Variants in FBXO4 observed in about 807,000 individuals in gnomAD.
The protein encoded by FBXO4 is F-box protein 4, also known as F-box only protein 4.
FBXO4 carries 36 observed loss-of-function variants against 43.7 expected under a neutral mutation model. The observed-to-expected ratio is 0.82, with a 90% CI of 0.63 to 1.09. FBXO4 has a LOEUF of 1.09. Among genes scored for constraint, FBXO4 ranks in the 50% least tolerant of loss-of-function variants. The pLI is 0.00. For missense variants in FBXO4, 435 were observed against 474.1 expected (o/e 0.92, Z 0.77); for synonymous variants, 180 against 165.6 (o/e 1.09, Z -0.67).
chr5:41,935,053 G>A, intron 5 of FBXO4: 1 of 984,380 alleles, frequency 1.0e-6, no homozygotes, highest in Non-Finnish European at 1.2e-6. Context: ...GTTATTACAG[G>A]GCTATCTATA....
At chr5:42,035,760 C>A in the FBXO4 span, among the ~76,000 whole-genome samples, 1 of 152,046 alleles carries the variant, frequency 6.6e-6, no homozygotes, top group South Asian at 2.1e-4. Context: ...AATTTTTGTA[C>A]TTTGGTATGC....
At chr5:42,022,603 G>T in the FBXO4 span, among the ~76,000 whole-genome samples, 1 of 151,986 alleles carries the variant, frequency 6.6e-6, no homozygotes, top group African/African-American at 2.4e-5. Flanking sequence ...TTCTTTATGA[G>T]TACCTCCTAA....
intron 5 of FBXO4, among the ~76,000 whole-genome samples, chr5:41,937,938 T>C (rs931290532): frequency 5.9e-5 from 9 of 152,164 alleles, no homozygotes; most frequent in African/African-American, 2.2e-4. Context: ...TGCATTGGGG[T>C]TTAAATGTGC....
the FBXO4 span, among the ~76,000 whole-genome samples, chr5:42,031,371 A>T: frequency 6.6e-6 from 1 of 150,760 alleles, no homozygotes; most frequent in East Asian, 2.0e-4. Flanking sequence ...AAAAAACCAA[A>T]CACCACATGT....
chr5:42,004,193 T>C, the FBXO4 span, among the ~76,000 whole-genome samples: 3 of 152,210 alleles, frequency 2.0e-5, no homozygotes, highest in Non-Finnish European at 2.9e-5. Context: ...ACCCATTTCC[T>C]TCCTCCAATG....
At chr5:42,013,905 G>A in the FBXO4 span, among the ~76,000 whole-genome samples, 1 of 152,132 alleles carries the variant, frequency 6.6e-6, no homozygotes. Flanking sequence ...GCTGCCGAGA[G>A]GAGACAAGAT....
chr5:42,010,146 C>A, the FBXO4 span, among the ~76,000 whole-genome samples: 1 of 152,028 alleles, frequency 6.6e-6, no homozygotes, highest in Non-Finnish European at 1.5e-5. Context: ...TTTTTTGAAT[C>A]TTTTATTTCA....
chr5:41,925,636 G>A (rs572750784), intron 1 of FBXO4, 138 bp downstream of exon 1: 3 of 574,166 alleles, frequency 5.2e-6, no homozygotes, highest in South Asian at 1.6e-4. Context: ...ATTCCTGGCA[G>A]TGTAGTCACC....
At chr5:42,006,914 A>ATATATATG in the FBXO4 span, among the ~76,000 whole-genome samples, 7 of 141,486 alleles carry the variant, frequency 4.9e-5, no homozygotes, top group African/African-American at 1.6e-4. Context: ...ATATATATAT[A>ATATATATG]TATGTATATA....
At chr5:41,967,705 A>G in the FBXO4 span, 1 of 628,402 alleles carries the variant, frequency 1.6e-6, no homozygotes, top group Non-Finnish European at 3.1e-6. Flanking sequence ...CATTCACCCT[A>G]CATTAATTAC....
the FBXO4 span, chr5:41,951,299 G>T: frequency 6.1e-6 from 1 of 164,852 alleles, no homozygotes; most frequent in South Asian, 1.4e-4. Flanking sequence ...GCATGTGGAA[G>T]AACAGCTTTA....
chr5:42,019,968 T>C, the FBXO4 span, among the ~76,000 whole-genome samples: 1 of 152,128 alleles, frequency 6.6e-6, no homozygotes, highest in African/African-American at 2.4e-5. Flanking sequence ...TTTTCAAAAT[T>C]ATTGCTGATT....
the FBXO4 span, among the ~76,000 whole-genome samples, chr5:42,030,128 A>C: frequency 1.3e-5 from 2 of 152,126 alleles, no homozygotes; most frequent in Admixed American, 6.6e-5. Context: ...TATGGAACCA[A>C]AAAAGAGCCC....
intron 5 of FBXO4, chr5:41,934,645 T>C (rs1751802918): frequency 8.9e-7 from 1 of 1,119,304 alleles, no homozygotes; most frequent in South Asian, 3.2e-5. Context: ...ACAATATTTT[T>C]TTGCTTTATG....
downstream of FBXO4, among the ~76,000 whole-genome samples, chr5:41,946,020 C>T (rs141438709): frequency 4.2e-3 from 637 of 152,302 alleles, 3 homozygotes; most frequent in African/African-American, 0.015. Flanking sequence ...ATTACTTCAT[C>T]CCCATGTGAC....
chr5:41,942,775 C>T (rs370993317), downstream of FBXO4, among the ~76,000 whole-genome samples: 1 of 152,012 alleles, frequency 6.6e-6, no homozygotes, highest in African/African-American at 2.4e-5. Context: ...GGGTTCTCCC[C>T]ACTCTATTTG....
the FBXO4 span, among the ~76,000 whole-genome samples, chr5:42,012,556 G>A: frequency 1.3e-5 from 2 of 152,110 alleles, no homozygotes; most frequent in East Asian, 1.9e-4. Flanking sequence ...TAAAGTTTTT[G>A]ATAGCAAATT....
At chr5:41,949,861 A>G in the FBXO4 span, among the ~76,000 whole-genome samples, 1 of 152,218 alleles carries the variant, frequency 6.6e-6, no homozygotes, top group East Asian at 1.9e-4. Flanking sequence ...TGGTACCAAA[A>G]CAGATATATA....
the FBXO4 span, among the ~76,000 whole-genome samples, chr5:42,009,795 C>A: frequency 6.6e-6 from 1 of 152,112 alleles, no homozygotes; most frequent in Non-Finnish European, 1.5e-5. Flanking sequence ...TCATTTCAAC[C>A]ATTTCTAAGT....
Sources: allele counts gnomAD v4.1 joint callset (sites outside exome capture counted in the v4.1 genomes callset), GRCh38; gene constraint gnomAD v4.1.1; transcripts MANE v1.5; gene names NCBI Gene and HGNC (gene_info 2026-07-23, HGNC 2026-07-21).